The following DDI2 variants were observed in gnomAD, a reference collection of about 807,000 sequenced individuals.
DDI2 encodes DDI proteasomal shuttling factor 2.
DDI2 carries 5 observed loss-of-function variants against 48.1 expected under a neutral mutation model. The observed-to-expected ratio is 0.10, with a 90% confidence interval of 0.05 to 0.22. The LOEUF is 0.22. DDI2 is among the 10% of genes least tolerant of loss of function. The pLI, the probability that DDI2 is intolerant of heterozygous loss-of-function variation, is 1.00. For missense variants in DDI2, 285 were observed against 506.2 expected (o/e 0.56, Z 4.19); for synonymous variants, 205 against 183.6 (o/e 1.12, Z -0.94).
chr1:15,639,859 T>G (rs191566801), intron 5 of DDI2, among the ~76,000 whole-genome samples: 100 of 151,856 alleles, frequency 6.6e-4, no homozygotes, highest in African/African-American at 2.4e-3. Flanking sequence ...AATACAAAAA[T>G]TAGCCGGGTG....
rs903447907 is a variant in DDI2 at position 15,617,596 on chromosome 1, C to T, written c.-75C>T. 2 of 1,225,948 alleles carry T rather than the reference C, an allele frequency of 1.6e-6. No individual in the cohort carries two copies. The highest frequency in any genetic ancestry group is 2.1e-6 in the Non-Finnish European group (2 of 970,018). The allele number at this position is 1,225,948 out of a possible 1,614,324, so 75.9% of individuals were successfully genotyped here. ...CGTCCTCCCGCAGCACCAGCCAGGC[C>T]ACGCCGCCGCCTCTTCCCCTGCGCC... On this transcript the variant is annotated 5_prime_UTR_variant, in exon 1 of 10. Transcript: ENST00000480945.
At chr1:15,633,328 C>A in intron 3 of DDI2, 111 bp from the exon 4 acceptor site, 1 of 1,258,264 alleles carries the variant, frequency 7.9e-7, no homozygotes, top group Non-Finnish European at 1.1e-6. Context: ...CTTTAGGCAT[C>A]CTCTCTGCAT....
chr1:15,667,763 C>T lies in DDI2; in HGVS notation c.*7973C>T, dbSNP rs886863775. The T allele has an allele frequency of 6.6e-6, 1 of 152,154 alleles. No homozygotes were observed. The highest frequency in any genetic ancestry group is 1.5e-5 in the Non-Finnish European group (1 of 68,026). The allele number at this position is 152,154 out of a possible 1,614,324, so 9.4% of individuals were successfully genotyped here. On this transcript the variant is annotated 3_prime_UTR_variant, in exon 10 of 10. Coordinates refer to ENST00000480945, the MANE Select transcript of DDI2 (RefSeq NM_032341.5). ...AGGTAGAATTTCTGGATCGTAACTACTAGTGACTTCTGAGGTTTACAGTTA... is the reference window on the plus strand; with the variant it reads ...AGGTAGAATTTCTGGATCGTAACTATTAGTGACTTCTGAGGTTTACAGTTA...
intron 5 of DDI2, among the ~76,000 whole-genome samples, chr1:15,639,286 C>A (rs1004090990): frequency 5.3e-5 from 8 of 152,046 alleles, no homozygotes; most frequent in Admixed American, 2.0e-4. Flanking sequence ...TGAGTGGTCT[C>A]ATACATCTTA....
At chr1:15,627,760 G>C (rs1270927436) in intron 2 of DDI2, among the ~76,000 whole-genome samples, 1 of 152,106 alleles carries the variant, frequency 6.6e-6, no homozygotes, top group Non-Finnish European at 1.5e-5. Flanking sequence ...TTAGCCTGTA[G>C]GTCACCAGTT....
intron 3 of DDI2, among the ~76,000 whole-genome samples, chr1:15,632,427 G>C (rs931873028): frequency 2.0e-5 from 3 of 152,090 alleles, no homozygotes; most frequent in Non-Finnish European, 4.4e-5. Flanking sequence ...CAGCTACTTG[G>C]GAGGCTGAGG....
chr1:15,657,446 A>G (rs920532633), intron 9 of DDI2, among the ~76,000 whole-genome samples: 26 of 152,310 alleles, frequency 1.7e-4, no homozygotes, highest in African/African-American at 6.3e-4. Context: ...AAAAGCAGGC[A>G]TAGTTGAATT....
At chr1:15,644,156 C>T (rs1209326400) in intron 6 of DDI2, among the ~76,000 whole-genome samples, 1 of 152,196 alleles carries the variant, frequency 6.6e-6, no homozygotes, top group Non-Finnish European at 1.5e-5. Context: ...CAAGCACATC[C>T]AATAGCCTCT....
In DDI2 at chr1:15,632,393, C is replaced by T. The variant is rs138549406; in HGVS notation, c.506-1046C>T. On this transcript the variant is annotated intron_variant, in intron 3 of 9. Transcript: ENST00000480945. ...ACTAATAATACAAAAATTAGCTGGA[C>T]GTGGTGGCAGGTACCTGTAATCCCA... Among the ~76,000 whole-genome samples the T allele has an allele frequency of 8.8e-4, 133 of 151,960 alleles. 1 individual carries two copies. In the East Asian group the frequency reaches 0.022, roughly 25 times the overall value.
intron 1 of DDI2, among the ~76,000 whole-genome samples, chr1:15,625,506 GT>G (rs1392466954): frequency 6.6e-6 from 1 of 151,858 alleles, no homozygotes; most frequent in African/African-American, 2.4e-5. Context: ...GTGCTGTCAG[GT>G]TTTTTTCAGT....
At chr1:15,628,558 G>A (rs889717093) in intron 2 of DDI2, among the ~76,000 whole-genome samples, 6 of 152,156 alleles carry the variant, frequency 3.9e-5, no homozygotes, top group African/African-American at 1.4e-4. Flanking sequence ...ATAACATTAA[G>A]CACAGTTATC....
At chr1:15,622,498 C>T in intron 1 of DDI2, among the ~76,000 whole-genome samples, 1 of 152,152 alleles carries the variant, frequency 6.6e-6, no homozygotes, top group Non-Finnish European at 1.5e-5. Context: ...GGGGTGCCTC[C>T]TCTGGAGTAA....
intron 1 of DDI2, among the ~76,000 whole-genome samples, chr1:15,625,011 A>G (rs1639730583): frequency 6.6e-6 from 1 of 152,124 alleles, no homozygotes; most frequent in Admixed American, 6.5e-5. Flanking sequence ...ATTCAGAAGA[A>G]TTTGATTTTG....
rs147348765 is a variant in DDI2, at chr1:15,651,221, C to G, written c.994-485C>G. Among the ~76,000 whole-genome samples the G allele has an allele frequency of 4.6e-3, 700 of 152,248 alleles. 3 individuals are homozygous for G. Among genetic ancestry groups the G allele is most frequent in the Middle Eastern group, 0.017 (5 of 292 alleles). On this transcript the variant is annotated intron_variant, in intron 7 of 9. Coordinates refer to ENST00000480945, the MANE Select transcript of DDI2 (RefSeq NM_032341.5). ...TCAATAAAACCTTGTCACTGCCTTT[C>G]CTTATTTTTTTAGTCATGGTATAGA...
intron 6 of DDI2, among the ~76,000 whole-genome samples, chr1:15,647,863 C>CTGA (rs1340848553): frequency 1.3e-5 from 2 of 152,020 alleles, no homozygotes; most frequent in Non-Finnish European, 2.9e-5. Context: ...ACTCAGGAGG[C>CTGA]TGAGGTGAGA....
At chr1:15,656,216 T>C (rs1433883911) in intron 8 of DDI2, among the ~76,000 whole-genome samples, 1 of 152,134 alleles carries the variant, frequency 6.6e-6, no homozygotes, top group Non-Finnish European at 1.5e-5. Context: ...TCCTCTAAAA[T>C]TGAATCTCAG....
intron 6 of DDI2, among the ~76,000 whole-genome samples, chr1:15,647,470 A>G (rs533434676): frequency 1.3e-5 from 2 of 152,200 alleles, no homozygotes; most frequent in East Asian, 3.9e-4. Flanking sequence ...CTATTAGAAC[A>G]TGGCAGTATA....
intron 1 of DDI2, among the ~76,000 whole-genome samples, chr1:15,621,150 T>C (rs1639656484): frequency 6.6e-6 from 1 of 152,204 alleles, no homozygotes; most frequent in Admixed American, 6.5e-5. Context: ...GTCATGGCTC[T>C]GTTTGATGCT....
In DDI2 at chr1:15,661,055, C is replaced by T. The variant is rs144434741; in HGVS notation, c.*1265C>T. 1.9e-6 allele frequency: 3 copies of T among 1,614,050 alleles called. No individual in the cohort carries two copies. The highest frequency in any genetic ancestry group is 1.3e-5 in the African/African-American group (1 of 74,928). On this transcript the variant is annotated 3_prime_UTR_variant, in exon 10 of 10. Coordinates refer to ENST00000480945, the MANE Select transcript of DDI2 (RefSeq NM_032341.5). The stretch of plus-strand genomic sequence containing the variant: ...GGCCAAACCAGTATTAAAGACCTTT[C>T]TGAAAGATGGACCCAAAATGAGCAT...
Sources: gnomAD v4.1 joint callset for allele counts (sites outside exome capture counted in the v4.1 genomes callset) on GRCh38, gnomAD v4.1.1 for gene constraint, MANE v1.5 for transcripts, NCBI Gene and HGNC (gene_info 2026-07-23, HGNC 2026-07-21) for gene names.